CEP350: variants seen among roughly 807,000 people sequenced by gnomAD.
The protein encoded by CEP350 is centrosome-associated protein 350.
CEP350 carries 126 observed loss-of-function variants against 331.8 expected under a neutral mutation model. The ratio of observed to expected loss-of-function variants is 0.38; its 90% CI spans 0.33 to 0.44. The LOEUF is 0.44. CEP350 is among the 20% of genes least tolerant of loss of function. The pLI, the probability that CEP350 is intolerant of heterozygous loss-of-function variation, is 1.00. For missense variants in CEP350, 3,406 were observed against 3,634.6 expected, an observed-to-expected ratio of 0.94 and a Z score of 1.62; for synonymous variants, 1,200 against 1,259.5, an observed-to-expected ratio of 0.95 and a Z score of 1.00.
chr1:180,091,852 A>G (rs1660218174), intron 33 of CEP350, among the ~76,000 whole-genome samples: 1 of 151,718 alleles, frequency 6.6e-6, no homozygotes, highest in Non-Finnish European at 1.5e-5. Context: ...AATGTAATTC[A>G]GTGAGAAAAT....
At chr1:180,006,328 CCT>C (rs1654252958) in intron 7 of CEP350, 124 bp from the exon 8 acceptor site, 1 of 609,636 alleles carries the variant, frequency 1.6e-6, no homozygotes, top group East Asian at 2.8e-5. Flanking sequence ...ATAGAAGTAG[CCT>C]CAGTGTAGGT....
At chr1:180,044,663 T>C (rs1465431282) in intron 21 of CEP350, among the ~76,000 whole-genome samples, 8 of 107,288 alleles carry the variant, frequency 7.5e-5, no homozygotes, top group African/African-American at 2.6e-4. Flanking sequence ...AACATCACAC[T>C]CCGGGGACTG....
intron 1 of CEP350, among the ~76,000 whole-genome samples, chr1:179,962,226 A>G (rs1283553065): frequency 6.6e-6 from 1 of 152,072 alleles, no homozygotes; most frequent in East Asian, 1.9e-4. Flanking sequence ...CCCACTTACA[A>G]GTGAGAGAAG....
At chr1:180,055,040 TTA>T (rs1657729250) in intron 25 of CEP350, among the ~76,000 whole-genome samples, 1 of 152,222 alleles carries the variant, frequency 6.6e-6, no homozygotes, top group Non-Finnish European at 1.5e-5. Context: ...AACAAGTTAC[TTA>T]ACTTCTCTGT....
At chr1:179,983,141 T>C (rs1652404050) in intron 1 of CEP350, among the ~76,000 whole-genome samples, 1 of 152,190 alleles carries the variant, frequency 6.6e-6, no homozygotes, top group Non-Finnish European at 1.5e-5. Context: ...TTATGGTTGA[T>C]AAAATGTTGT....
rs756838817 is a variant in CEP350, at chr1:180,020,134, T to C, written c.2360T>C (p.Met787Thr). Reference protein sequence around the residue: ...SILPTRKNHNMASRPLTFTPQ... With the variant: ...SILPTRKNHNTASRPLTFTPQ... ...TTACCAACCAGGAAGAATCATAATA[T>C]GGCTTCAAGGCCATTAACTTTTACA... Residue 787 changes from methionine to threonine, a missense_variant, in exon 12 of 38, where the codon ATG (methionine) becomes ACG (threonine). This residue lies in a region of CEP350 where 1,857 missense variants were observed against 1,909.2 expected (regional missense o/e 0.97). Transcript: ENST00000367607. 1.9e-6 allele frequency: 3 copies of C among 1,613,936 alleles called. No homozygotes were observed. The highest frequency in any genetic ancestry group is 1.3e-5 in the African/African-American group (1 of 74,948).
chr1:180,007,463 C>T (rs1018146532), intron 8 of CEP350, among the ~76,000 whole-genome samples: 7 of 152,008 alleles, frequency 4.6e-5, no homozygotes, highest in Admixed American at 4.6e-4. Flanking sequence ...TTGTTTGTTT[C>T]TTGTAAATTT....
chr1:180,062,124 T>C, intron 25 of CEP350, 96 bp from the exon 26 acceptor site: 1 of 1,143,814 alleles, frequency 8.7e-7, no homozygotes. Context: ...ACTATATGTA[T>C]TTATTTTTAA....
chr1:180,053,185 G>C lies in CEP350; in HGVS notation c.4989+19G>C. 6.9e-7 allele frequency: 1 copy of C among 1,455,562 alleles called. No individual in the cohort carries two copies. The allele number at this position is 1,455,562 out of a possible 1,614,324, so 90.2% of individuals were successfully genotyped here. A position where few individuals can be genotyped will look rare whatever the true frequency, so the allele number is the denominator to read the frequency against. The stretch of plus-strand genomic sequence containing the variant: ...TGCCAAGGTGTGTTTCACTTTATCT[G>C]TGGAGGTAAATGGTTGTGGATATGT... On this transcript the variant is annotated intron_variant, in intron 23 of 37. Transcript: ENST00000367607.
chr1:180,038,320 T>C (rs1656509844), intron 17 of CEP350, among the ~76,000 whole-genome samples: 1 of 152,202 alleles, frequency 6.6e-6, no homozygotes, highest in Admixed American at 6.5e-5. Context: ...TTATTTCCAG[T>C]TTTTAGCTAT....
At chr1:179,989,973 G>C (rs1015449747) in intron 3 of CEP350, among the ~76,000 whole-genome samples, 3 of 151,522 alleles carry the variant, frequency 2.0e-5, no homozygotes, top group African/African-American at 7.3e-5. Flanking sequence ...TGGATCACCT[G>C]GGGTCAGGAG....
Position 180,041,172 on chromosome 1 carries a change from T to G in CEP350, c.4145T>G (p.Leu1382Arg). The G allele has an allele frequency of 6.3e-7, 1 of 1,597,788 alleles. No individual in the cohort carries two copies. The highest frequency in any genetic ancestry group is 8.5e-7 in the Non-Finnish European group (1 of 1,172,054). The change falls in exon 18 of 38, where the codon CTC becomes CGC. Residue 1382 changes from leucine (L) to arginine (R), a missense_variant. Physicochemically the swap from Leu to Arg is moderately radical, Grantham distance 102 (BLOSUM62 -2). Around this residue, in one of 5 missense-constraint regions of CEP350, gnomAD observed 1,857 missense variants for 1,909.2 expected, o/e 0.97. Transcript: ENST00000367607. The part of the protein sequence containing the change: ...QQQRHERDLA[L>R]LKLKAEQEAL... ...CAACGCCATGAAAGAGACTTGGCCC[T>G]CTTGAAACTAAAGGCTGAACAAGAG...
At chr1:180,100,965 G>T (rs1292328588) in intron 37 of CEP350, among the ~76,000 whole-genome samples, 1 of 152,166 alleles carries the variant, frequency 6.6e-6, no homozygotes, top group Non-Finnish European at 1.5e-5. Context: ...TTTAGGTGGG[G>T]ACACAGCCAA....
chr1:179,967,473 G>A (rs912096353), intron 1 of CEP350, among the ~76,000 whole-genome samples: 9 of 152,234 alleles, frequency 5.9e-5, no homozygotes, highest in African/African-American at 1.9e-4. Flanking sequence ...GTACAGTAGC[G>A]TGATCTTGGC....
At chr1:180,004,877 T>TG (rs1558092840) in intron 7 of CEP350, among the ~76,000 whole-genome samples, 744 of 72,826 alleles carry the variant, frequency 0.01, 4 homozygotes, top group African/African-American at 0.017. Flanking sequence ...CTGGCTGGCT[T>TG]GCTTGCTTGC....
Position 180,062,263 on chromosome 1 carries a change from A to G in CEP350, c.5306A>G (p.Lys1769Arg), listed in dbSNP as rs1191429597. ...CAAGAAGCCAATAAGGCAGCTCGGA[A>G]GGAAAGACAGCTGATTCTTAAACAG... The part of the protein sequence containing the change: ...RLQEANKAAR[K>R]ERQLILKQQE... Residue 1769 changes from lysine to arginine, a missense_variant, in exon 26 of 38, where the codon AAG becomes AGG. Lys to Arg is a conservative substitution (Grantham distance 26). This residue lies in a region of CEP350 where 1,415 missense variants were observed against 1,512.3 expected (regional missense o/e 0.94). Transcript: ENST00000367607. 2 of 1,610,594 alleles carry G rather than the reference A, an allele frequency of 1.2e-6. No homozygotes were observed. Among genetic ancestry groups the G allele is most frequent in the Non-Finnish European group, 1.7e-6 (2 of 1,178,168 alleles).
chr1:180,023,860 A>G (rs1162387769), intron 13 of CEP350, among the ~76,000 whole-genome samples: 1 of 152,186 alleles, frequency 6.6e-6, no homozygotes, highest in Non-Finnish European at 1.5e-5. Context: ...TCCATGTAAA[A>G]TTATTAGGTA....
In CEP350 at chr1:180,006,568, G is replaced by T; in HGVS notation, c.1246+1G>T. The T allele has an allele frequency of 1.4e-6, 2 of 1,431,458 alleles. No homozygotes were observed. The highest frequency in any genetic ancestry group is 1.2e-5 in the South Asian group (1 of 81,282). The allele number at this position is 1,431,458 out of a possible 1,614,324, so 88.7% of individuals were successfully genotyped here. On this transcript the variant is annotated splice_donor_variant, in intron 8 of 37. Transcript: ENST00000367607. LOFTEE classifies it high-confidence loss of function. ...TTATCAAGTACAGAATGCAGAACAG[G>T]TTAGTTTTCTCAACATGTCCATCCT...
chr1:180,107,639 G>T (rs1022515095), intron 37 of CEP350, among the ~76,000 whole-genome samples: 2 of 152,220 alleles, frequency 1.3e-5, no homozygotes, highest in African/African-American at 4.8e-5. Context: ...CTGCACTCCA[G>T]CCTGGGTGAC....
Sources: gnomAD v4.1 joint callset for allele counts (sites outside exome capture counted in the v4.1 genomes callset) on GRCh38, gnomAD v4.1.1 for gene constraint, gnomAD v4.1.1 regional missense constraint, MANE v1.5 for transcripts, NCBI Gene and HGNC (gene_info 2026-07-23, HGNC 2026-07-21) for gene names.